Variants in FUNDC2 observed in about 807,000 individuals in gnomAD.
FUNDC2 encodes FUN14 domain-containing protein 2.
In FUNDC2, 4 loss-of-function variants were observed where a neutral mutation model predicts 15.6. That is an observed-to-expected ratio of 0.26 (90% CI 0.13 to 0.59). FUNDC2 has a LOEUF of 0.59. Ranked by LOEUF, FUNDC2 falls within the 20% of genes least tolerant of loss-of-function variation. The pLI, the probability that FUNDC2 is intolerant of heterozygous loss-of-function variation, is 0.90. For missense variants in FUNDC2, 98 were observed against 149.7 expected, an observed-to-expected ratio of 0.65 and a Z score of 1.80; for synonymous variants, 44 against 56.9, an observed-to-expected ratio of 0.77 and a Z score of 1.02.
chrX:155,044,349 A>G (rs1181291653), intron 2 of FUNDC2, among the ~76,000 whole-genome samples: 2 of 111,763 alleles, frequency 1.8e-5, no homozygotes, highest in Admixed American at 1.9e-4. Flanking sequence ...CAGAGCAAAG[A>G]GGTTCTAGGA....
chrX:155,033,994 T>C (rs1382317631), intron 2 of FUNDC2, among the ~76,000 whole-genome samples: 2 of 112,586 alleles, frequency 1.8e-5, no homozygotes, highest in Non-Finnish European at 1.9e-5. Context: ...GCAAATTTCA[T>C]AGGTGAATAT....
Position 155,058,451 on chromosome X carries a change from G to T in FUNDC2, c.*3779G>T, listed in dbSNP as rs965595793. On this transcript the variant is annotated 3_prime_UTR_variant, in exon 5 of 5. Transcript: ENST00000369498. The stretch of plus-strand genomic sequence containing the variant: ...TTGTACAGTTTGGGAATCTCTGCTT[G>T]AAAAGATGGTATACTGATGGATTTG... The T allele has an allele frequency of 1.8e-5, 2 of 111,002 alleles. No homozygotes were observed. The highest frequency in any genetic ancestry group is 1.9e-4 in the Admixed American group (2 of 10,453). The allele number at this position is 111,002 out of a possible 1,213,427, so 9.1% of individuals were successfully genotyped here.
Position 155,057,257 on chromosome X carries a change from G to GAGTT in FUNDC2, c.*2587_*2590dup. On this transcript the variant is annotated 3_prime_UTR_variant, in exon 5 of 5. Transcript: ENST00000369498. ...AGTTTTGTTTCAGGTGGTGAAGTGG[G>GAGTT]AGTTAAGGTTTCCCCCAAAAGAACA... 1 of 111,704 alleles carries GAGTT rather than the reference G, an allele frequency of 9.0e-6. No individual in the cohort carries two copies. Among genetic ancestry groups the GAGTT allele is most frequent in the Non-Finnish European group, 1.9e-5 (1 of 53,006 alleles). 9.2% of individuals were successfully genotyped at this position (111,704 alleles called of 1,213,427 possible).
intron 3 of FUNDC2, chrX:155,049,345 C>T: frequency 1.8e-5 from 2 of 112,972 alleles, no homozygotes; most frequent in Admixed American, 1.9e-4. Context: ...CAGGGGACTT[C>T]ACCACCACCA....
intron 2 of FUNDC2, among the ~76,000 whole-genome samples, chrX:155,043,177 C>T (rs1248085094): frequency 6.3e-5 from 7 of 111,887 alleles, no homozygotes; most frequent in African/African-American, 2.3e-4. Flanking sequence ...TGGGCTCAAG[C>T]AATCCTCTTG....
chrX:155,054,744 C>A lies in FUNDC2; in HGVS notation c.*72C>A. On this transcript the variant is annotated 3_prime_UTR_variant, in exon 5 of 5. Coordinates refer to ENST00000369498, the MANE Select transcript of FUNDC2 (RefSeq NM_023934.4). ...GCCTCTACACTCCATCATAGGACAT[C>A]GAGTCCCTCCTCCTCTTCTCCCATG... 1.1e-6 allele frequency: 1 copy of A among 898,918 alleles called. No homozygotes were observed. The highest frequency in any genetic ancestry group is 1.6e-6 in the Non-Finnish European group (1 of 615,617). The allele number at this position is 898,918 out of a possible 1,213,427, so 74.1% of individuals were successfully genotyped here.
At chrX:155,038,358 A>T (rs1052876946) in intron 2 of FUNDC2, among the ~76,000 whole-genome samples, 97 of 112,151 alleles carry the variant, frequency 8.6e-4, no homozygotes, top group African/African-American at 2.8e-3. Flanking sequence ...CATACTTACC[A>T]TGTTTTTGTG....
Position 155,056,295 on chromosome X carries a change from T to C in FUNDC2, c.*1623T>C, listed in dbSNP as rs2073896021. The C allele has an allele frequency of 8.9e-6, 1 of 111,890 alleles. No individual in the cohort carries two copies. The highest frequency in any genetic ancestry group is 1.9e-5 in the Non-Finnish European group (1 of 53,201). The allele number at this position is 111,890 out of a possible 1,213,427, so 9.2% of individuals were successfully genotyped here. On this transcript the variant is annotated 3_prime_UTR_variant, in exon 5 of 5. Coordinates refer to ENST00000369498, the MANE Select transcript of FUNDC2 (RefSeq NM_023934.4). Reference sequence around the variant, plus strand: ...GTGAAACAAATATCAAAATGTCATTTTATCATATTTCAGTATGTATCTCTA... The same window carrying C: ...GTGAAACAAATATCAAAATGTCATTCTATCATATTTCAGTATGTATCTCTA...
chrX:155,054,906 C>G lies in FUNDC2; in HGVS notation c.*234C>G. The G allele has an allele frequency of 2.6e-6, 1 of 390,954 alleles. No homozygotes were observed. The highest frequency in any genetic ancestry group is 4.4e-6 in the Non-Finnish European group (1 of 224,808). The allele number at this position is 390,954 out of a possible 1,213,427, so 32.2% of individuals were successfully genotyped here. A position where few individuals can be genotyped will look rare whatever the true frequency, so the allele number is the denominator to read the frequency against. On this transcript the variant is annotated 3_prime_UTR_variant, in exon 5 of 5. Coordinates refer to ENST00000369498, the MANE Select transcript of FUNDC2 (RefSeq NM_023934.4). The stretch of plus-strand genomic sequence containing the variant: ...TCCTCCCAGTACACCCCCTACTTGG[C>G]CAGTCTGTAGGCCAACAAGAAGGTT...
At chrX:155,052,733 G>A (rs2073882618) in intron 4 of FUNDC2, among the ~76,000 whole-genome samples, 1 of 112,100 alleles carries the variant, frequency 8.9e-6, no homozygotes. Flanking sequence ...ATCTACAGGA[G>A]CCCAGAGCCC....
In FUNDC2 at chrX:155,055,615, T is replaced by C. The variant is rs1463776097; in HGVS notation, c.*943T>C. 2.5e-5 allele frequency: 5 copies of C among 197,934 alleles called. No homozygotes were observed. Among genetic ancestry groups the C allele is most frequent in the Non-Finnish European group, 4.6e-5 (5 of 109,362 alleles). 16.3% of individuals were successfully genotyped at this position (197,934 alleles called of 1,213,427 possible). A position where few individuals can be genotyped will look rare whatever the true frequency, so the allele number is the denominator to read the frequency against. The stretch of plus-strand genomic sequence containing the variant: ...GACCACAACCCTGAGAATTATTCTT[T>C]AAAAGCTTACACACACACACACACA... On this transcript the variant is annotated 3_prime_UTR_variant, in exon 5 of 5. Transcript: ENST00000369498.
rs1280496104 is a variant in FUNDC2, at chrX:155,033,216, G to A, written c.134-187G>A. 3 of 378,429 alleles carry A rather than the reference G, an allele frequency of 7.9e-6. No individual in the cohort carries two copies. In the East Asian group the frequency reaches 1.2e-4, roughly 15 times the overall value. The allele number at this position is 378,429 out of a possible 1,213,427, so 31.2% of individuals were successfully genotyped here. A position where few individuals can be genotyped will look rare whatever the true frequency, so the allele number is the denominator to read the frequency against. On this transcript the variant is annotated intron_variant, in intron 1 of 4. Transcript: ENST00000369498. ...TTTGAGATTTTCTAGGTTTTTCCCTGTAATATAGACATTAGTATTTGCTGA... is the reference window on the plus strand; with the variant it reads ...TTTGAGATTTTCTAGGTTTTTCCCTATAATATAGACATTAGTATTTGCTGA...
chrX:155,026,881 G>C lies in FUNDC2; in HGVS notation c.-58G>C, dbSNP rs1426603189. ...TGAGCTCTGTGATGTAGCCGCTTGC[G>C]GAGACTGCAAGCAGCCGCGGCGCGC... On this transcript the variant is annotated 5_prime_UTR_variant, in exon 1 of 5. Coordinates refer to ENST00000369498, the MANE Select transcript of FUNDC2 (RefSeq NM_023934.4). 8.6e-6 allele frequency: 10 copies of C among 1,157,938 alleles called. No homozygotes were observed. The African/African-American group carries it at 1.8e-4, about 21-fold the overall frequency.
chrX:155,047,740 A>C (rs1284294592), intron 3 of FUNDC2, among the ~76,000 whole-genome samples: 13 of 110,116 alleles, frequency 1.2e-4, no homozygotes, highest in African/African-American at 4.3e-4. Context: ...CCCTGTCCAT[A>C]GTCTCAGTGC....
chrX:155,042,033 C>T (rs1341936665), intron 2 of FUNDC2, among the ~76,000 whole-genome samples: 17 of 91,365 alleles, frequency 1.9e-4, no homozygotes, highest in African/African-American at 7.2e-4. Context: ...TGTGCCACTG[C>T]ACTCTACCCT....
intron 1 of FUNDC2, chrX:155,027,511 T>C (rs2073798104): frequency 8.8e-6 from 1 of 113,679 alleles, no homozygotes; most frequent in African/African-American, 3.2e-5. Flanking sequence ...AATAGCCTTC[T>C]GTTTAGTCGG....
intron 2 of FUNDC2, among the ~76,000 whole-genome samples, 197 bp from the exon 3 acceptor site, chrX:155,046,312 C>T (rs2073862277): frequency 9.0e-6 from 1 of 111,712 alleles, no homozygotes; most frequent in African/African-American, 3.3e-5. Context: ...TTTTAAGGGA[C>T]TTACTCAAGA....
Position 155,055,148 on chromosome X carries a change from G to T in FUNDC2, c.*476G>T. The T allele has an allele frequency of 3.4e-6, 1 of 298,241 alleles. No individual in the cohort carries two copies. The highest frequency in any genetic ancestry group is 2.0e-4 in the South Asian group (1 of 4,986). 24.6% of individuals were successfully genotyped at this position (298,241 alleles called of 1,213,427 possible). ...TGGTGTCTACTTTCTTTTTTAGTTG[G>T]TTTTACATTACAGAAAGCTATTTAA... On this transcript the variant is annotated 3_prime_UTR_variant, in exon 5 of 5. Transcript: ENST00000369498.
At position 155,051,776 on chromosome X, in the gene FUNDC2, C is replaced by T. The variant is rs368242385; in HGVS notation, c.467C>T (p.Thr156Ile). ...LKIRKSNQIP[T>I]EVRSKAEEVV... ...ATCCGTAAGAGCAATCAGATACCTACTGAGGTCAGGAGCAAAGCTGAGGAG... is the reference window on the plus strand; with the variant it reads ...ATCCGTAAGAGCAATCAGATACCTATTGAGGTCAGGAGCAAAGCTGAGGAG... Residue 156 changes from threonine to isoleucine, a missense_variant, in exon 4 of 5, where the codon ACT (threonine) becomes ATT (isoleucine). Thr to Ile is a moderately conservative substitution (Grantham distance 89). Transcript: ENST00000369498. 172 of 1,209,937 alleles carry T rather than the reference C, an allele frequency of 1.4e-4. No homozygotes were observed. The highest frequency in any genetic ancestry group is 3.3e-4 in the Admixed American group (15 of 45,891).
Sources: gnomAD v4.1 joint callset for allele counts (sites outside exome capture counted in the v4.1 genomes callset) on GRCh38, gnomAD v4.1.1 for gene constraint, MANE v1.5 for transcripts, NCBI Gene and HGNC (gene_info 2026-07-23, HGNC 2026-07-21) for gene names.